CDYL: variants seen among roughly 807,000 people sequenced by gnomAD.
The protein encoded by CDYL is chromodomain Y-like protein.
CDYL carries 8 observed loss-of-function variants against 47.3 expected under a neutral mutation model. The observed-to-expected ratio is 0.17, with a 90% CI of 0.10 to 0.31. The LOEUF (loss-of-function observed/expected upper bound fraction) is 0.31. CDYL is among the 10% of genes least tolerant of loss of function. CDYL has a pLI of 1.00. For missense variants in CDYL, 471 were observed against 701.4 expected (o/e 0.67, Z 3.71); for synonymous variants, 266 against 265.0 (o/e 1.00, Z -0.04).
upstream of CDYL, among the ~76,000 whole-genome samples, chr6:4,776,244 C>T (rs1429206503): frequency 1.4e-5 from 2 of 143,844 alleles, no homozygotes; most frequent in Non-Finnish European, 3.1e-5. Flanking sequence ...GGCCGCCCGC[C>T]TCGGCCCCGA....
chr6:4,794,987 C>T (rs1759029647), intron 1 of CDYL, among the ~76,000 whole-genome samples: 6 of 151,266 alleles, frequency 4.0e-5, no homozygotes, highest in Admixed American at 3.9e-4. Context: ...CGAACTCCTG[C>T]AGTACCTGTT....
intron 2 of CDYL, among the ~76,000 whole-genome samples, chr6:4,896,410 G>T (rs987645320): frequency 6.6e-6 from 1 of 152,196 alleles, no homozygotes; most frequent in Non-Finnish European, 1.5e-5. Flanking sequence ...GGTGCCTGCC[G>T]TGTAGTCGGT....
intron 2 of CDYL, among the ~76,000 whole-genome samples, chr6:4,723,909 C>T (rs1011574582): frequency 5.9e-5 from 9 of 152,230 alleles, no homozygotes; most frequent in Non-Finnish European, 1.0e-4. Flanking sequence ...GTTATTCATT[C>T]CTTATGGCTC....
chr6:4,763,671 G>A (rs141492558), intron 3 of CDYL, among the ~76,000 whole-genome samples: 2,707 of 152,168 alleles, frequency 0.018, 47 homozygotes, highest in Non-Finnish European at 0.026. Flanking sequence ...GGCCAGGCGC[G>A]GTGGCTTACA....
At chr6:4,778,116 T>G (rs1758519370) in intron 1 of CDYL, among the ~76,000 whole-genome samples, 1 of 152,124 alleles carries the variant, frequency 6.6e-6, no homozygotes, top group African/African-American at 2.4e-5. Context: ...AAGGAAAGTG[T>G]TGTGTGTCTG....
intron 1 of CDYL, among the ~76,000 whole-genome samples, chr6:4,780,465 C>T (rs113896115): frequency 0.1 from 12,976 of 129,692 alleles, 647 homozygotes; most frequent in Middle Eastern, 0.18. Context: ...GACAGGGTTT[C>T]ACCTTGTGGG....
intron 2 of CDYL, among the ~76,000 whole-genome samples, chr6:4,917,749 G>A (rs540683909): frequency 6.2e-4 from 94 of 152,254 alleles, no homozygotes; most frequent in Admixed American, 4.7e-3. Flanking sequence ...GCATTGCAGG[G>A]AGAAGGTTGA....
chr6:4,838,027 C>G (rs774044428), intron 1 of CDYL, among the ~76,000 whole-genome samples: 5 of 152,050 alleles, frequency 3.3e-5, no homozygotes, highest in Admixed American at 6.6e-5. Context: ...ATCCGCTTTC[C>G]TCATCCTTCA....
intron 3 of CDYL, among the ~76,000 whole-genome samples, chr6:4,738,608 T>A (rs528331993): frequency 6.6e-6 from 1 of 152,338 alleles, no homozygotes; most frequent in East Asian, 1.9e-4. Context: ...TCAATCACTT[T>A]GGAGAAAAAG....
Position 4,826,415 on chromosome 6 carries a change from T to C in CDYL, c.24+49608T>C, listed in dbSNP as rs138864811. Among the ~76,000 whole-genome samples, 621 of 152,304 alleles carry C rather than the reference T, an allele frequency of 4.1e-3. 1 individual carries two copies. Among genetic ancestry groups the C allele is most frequent in the African/African-American group, 0.014 (580 of 41,582 alleles). On this transcript the variant is annotated intron_variant, in intron 1 of 6. Transcript: ENST00000397588. ...CCTTCGGGTTTACTTTGCTCTTCTT[T>C]TTCTAGCTCCTTAAGGTGTAAAGTT...
intron 1 of CDYL, among the ~76,000 whole-genome samples, chr6:4,822,921 A>C (rs1759881171): frequency 6.6e-6 from 1 of 152,208 alleles, no homozygotes. Context: ...GGATAAATTC[A>C]GGTGCTTTAA....
chr6:4,753,133 A>T (rs1313073983), intron 3 of CDYL, among the ~76,000 whole-genome samples: 2 of 152,028 alleles, frequency 1.3e-5, no homozygotes, highest in African/African-American at 4.8e-5. Context: ...GCTGGACTCG[A>T]ACTCCTGAGC....
At chr6:4,903,038 T>A (rs1257357187) in intron 2 of CDYL, among the ~76,000 whole-genome samples, 1 of 152,226 alleles carries the variant, frequency 6.6e-6, no homozygotes, top group East Asian at 1.9e-4. Context: ...TGCGTGTACA[T>A]GAGTGAGTTG....
In CDYL at chr6:4,719,243, T is replaced by TA. The variant is rs774550810; in HGVS notation, c.103+3364dup. ...TTTCCACTTTTAAATTGCTTTTAGA[T>TA]AATACTGTGATAATAAACATCTTCA... On this transcript the variant is annotated intron_variant, in intron 2 of 8. Transcript: ENST00000328908. 1.2e-4 allele frequency among the ~76,000 whole-genome samples: 19 copies of TA among 152,356 alleles called. 1 individual carries two copies. In the East Asian group the frequency reaches 3.5e-3, roughly 28 times the overall value.
intron 1 of CDYL, among the ~76,000 whole-genome samples, chr6:4,777,092 T>C (rs556899520): frequency 2.1e-5 from 3 of 140,560 alleles, no homozygotes; most frequent in Admixed American, 1.4e-4. Flanking sequence ...GAGCTCAAAG[T>C]GCTCTTGGCG....
Position 4,952,248 on chromosome 6 carries a change from C to T in CDYL, c.1333-18C>T. On this transcript the variant is annotated intron_variant, in intron 5 of 6. Coordinates refer to ENST00000397588, the MANE Select transcript of CDYL (RefSeq NM_004824.4). ...CTCCCACCGCAATTCATATTACATC[C>T]ACTCTTCTTCCTTGCAGGCAAACGA... The T allele has an allele frequency of 6.2e-7, 1 of 1,609,988 alleles. No individual in the cohort carries two copies.
chr6:4,778,026 G>C (rs1284797987), intron 1 of CDYL, among the ~76,000 whole-genome samples: 1 of 152,100 alleles, frequency 6.6e-6, no homozygotes, highest in Admixed American at 6.5e-5. Flanking sequence ...GTGCCCCGCT[G>C]TATTCAGGAT....
At chr6:4,923,996 G>A (rs1480022671) in intron 2 of CDYL, among the ~76,000 whole-genome samples, 3 of 152,072 alleles carry the variant, frequency 2.0e-5, no homozygotes, top group Non-Finnish European at 2.9e-5. Flanking sequence ...CAGAGTCAGG[G>A]TGAGAACCCC....
chr6:4,724,937 T>G (rs1350720571), intron 2 of CDYL: 2 of 152,196 alleles, frequency 1.3e-5, no homozygotes, highest in Non-Finnish European at 2.9e-5. Context: ...CCCACCCACA[T>G]CCTGCTGATT....
Sources: gnomAD v4.1 joint callset for allele counts (sites outside exome capture counted in the v4.1 genomes callset) on GRCh38, gnomAD v4.1.1 for gene constraint, MANE v1.5 for transcripts, NCBI Gene and HGNC (gene_info 2026-07-23, HGNC 2026-07-21) for gene names.